Variants in BTF3L4 observed in about 807,000 individuals in gnomAD.
BTF3L4 encodes the protein basic transcription factor 3 like 4.
In BTF3L4, 6 loss-of-function variants were observed where a neutral mutation model predicts 16.8. The observed-to-expected ratio is 0.36, with a 90% confidence interval of 0.20 to 0.71. The LOEUF (loss-of-function observed/expected upper bound fraction) is 0.71. Among genes scored for constraint, BTF3L4 ranks in the 30% least tolerant of loss-of-function variants. BTF3L4 has a pLI of 0.58. For missense variants in BTF3L4, 92 were observed against 186.9 expected (o/e 0.49, Z 2.96); for synonymous variants, 39 against 59.8 (o/e 0.65, Z 1.60).
At chr1:52,059,334 T>C (rs949752758) in intron 1 of BTF3L4, among the ~76,000 whole-genome samples, 1 of 152,230 alleles carries the variant, frequency 6.6e-6, no homozygotes, top group Non-Finnish European at 1.5e-5. Context: ...AGCCTTTTGT[T>C]GAATTTCTTC....
chr1:52,071,806 A>G (rs1316353584), intron 3 of BTF3L4, among the ~76,000 whole-genome samples: 1 of 152,016 alleles, frequency 6.6e-6, no homozygotes, highest in East Asian at 1.9e-4. Context: ...GTGCCCATAG[A>G]TAGACAGCTC....
chr1:52,073,012 C>G (rs542365909), intron 3 of BTF3L4, among the ~76,000 whole-genome samples: 75 of 152,254 alleles, frequency 4.9e-4, no homozygotes, highest in Non-Finnish European at 1.0e-3. Context: ...GAGCCAAGAT[C>G]GTGCCATTGC....
chr1:52,071,973 G>A (rs1269532035), intron 3 of BTF3L4, among the ~76,000 whole-genome samples: 7 of 130,782 alleles, frequency 5.4e-5, no homozygotes, highest in Non-Finnish European at 9.8e-5. Context: ...GTGTGTGTGT[G>A]TAGATATATC....
At chr1:52,061,504 AAAG>A (rs1686508456) in intron 2 of BTF3L4, among the ~76,000 whole-genome samples, 1 of 151,700 alleles carries the variant, frequency 6.6e-6, no homozygotes, top group Admixed American at 6.6e-5. Context: ...AAAAAAAAAA[AAAG>A]AAATAGGTAA....
At chr1:52,077,518 A>G (rs1341568042) in intron 3 of BTF3L4, among the ~76,000 whole-genome samples, 1 of 152,228 alleles carries the variant, frequency 6.6e-6, no homozygotes, top group East Asian at 1.9e-4. Context: ...AGATTGCGCC[A>G]TTGCACTCTA....
In BTF3L4 at chr1:52,088,687, T is replaced by A. The variant is rs1477885608; in HGVS notation, c.*1929T>A. ...AACACACACTTGGAAGCCAGGAGAC[T>A]TGTGTCCTAGTCAAAACTCTGGCAT... is the stretch of plus-strand genomic sequence containing the variant. On this transcript the variant is annotated 3_prime_UTR_variant, in exon 6 of 6. Coordinates refer to ENST00000313334, the MANE Select transcript of BTF3L4 (RefSeq NM_152265.5). The A allele has an allele frequency of 6.6e-6, 1 of 152,204 alleles. No homozygotes were observed. The highest frequency in any genetic ancestry group is 1.5e-5 in the Non-Finnish European group (1 of 68,058). 9.4% of individuals were successfully genotyped at this position (152,204 alleles called of 1,614,324 possible).
At chr1:52,085,509 TAA>T (rs1185840642) in intron 4 of BTF3L4, among the ~76,000 whole-genome samples, 1 of 152,118 alleles carries the variant, frequency 6.6e-6, no homozygotes, top group Non-Finnish European at 1.5e-5. Flanking sequence ...ATGGCCACTG[TAA>T]AGTCTTTTTA....
chr1:52,085,351 T>G (rs1046616778), intron 4 of BTF3L4, among the ~76,000 whole-genome samples: 5 of 150,514 alleles, frequency 3.3e-5, no homozygotes, highest in African/African-American at 4.9e-5. Flanking sequence ...TGTTGCTTGG[T>G]TTTTTTTGTT....
At chr1:52,061,125 G>C (rs1001493585) in intron 2 of BTF3L4, among the ~76,000 whole-genome samples, 2 of 152,120 alleles carry the variant, frequency 1.3e-5, no homozygotes, top group African/African-American at 4.8e-5. Flanking sequence ...CTTGCCTAGT[G>C]GAGACAAGGA....
At chr1:52,065,701 A>G (rs1322763722) in intron 3 of BTF3L4, among the ~76,000 whole-genome samples, 1 of 152,130 alleles carries the variant, frequency 6.6e-6, no homozygotes, top group Non-Finnish European at 1.5e-5. Flanking sequence ...GTAGCTTTAC[A>G]TGGGTTAGAT....
chr1:52,060,011 C>A (rs1572019012), intron 2 of BTF3L4, 110 bp downstream of exon 2: 1 of 1,001,838 alleles, frequency 1.0e-6, no homozygotes, highest in African/African-American at 1.6e-5. Flanking sequence ...TAATCAAGAT[C>A]AAACCACATT....
intron 3 of BTF3L4, among the ~76,000 whole-genome samples, chr1:52,075,682 A>G (rs917069499): frequency 2.3e-4 from 35 of 150,400 alleles, no homozygotes; most frequent in Admixed American, 1.8e-3. Flanking sequence ...TATAAATCTG[A>G]GTTCTTTCAA....
chr1:52,086,075 G>T, intron 4 of BTF3L4, 37 bp from the exon 5 acceptor site: 1 of 1,442,446 alleles, frequency 6.9e-7, no homozygotes, highest in Admixed American at 1.9e-5. Flanking sequence ...TAAGGTCTTT[G>T]TTCTCAATGA....
intron 2 of BTF3L4, 90 bp from the exon 3 acceptor site, chr1:52,064,735 G>T: frequency 1.5e-6 from 1 of 672,226 alleles, no homozygotes; most frequent in Non-Finnish European, 2.5e-6. Context: ...TTTAATGTGG[G>T]TTTTAGATTA....
intron 3 of BTF3L4, among the ~76,000 whole-genome samples, chr1:52,071,928 A>ACT (rs1491231622): frequency 6.0e-5 from 3 of 50,236 alleles, no homozygotes; most frequent in African/African-American, 2.2e-4. Context: ...TTTGTTTTTT[A>ACT]CTCTGTGTGT....
chr1:52,059,750 A>G (rs1686462299), intron 1 of BTF3L4, 85 bp from the exon 2 acceptor site: 1 of 1,126,540 alleles, frequency 8.9e-7, no homozygotes, highest in Middle Eastern at 2.1e-4. Context: ...CTACAAGCTC[A>G]GTGAACCAGA....
intron 5 of BTF3L4, 42 bp from the exon 6 acceptor site, chr1:52,086,670 T>G (rs1399105587): frequency 2.2e-6 from 3 of 1,342,890 alleles, no homozygotes; most frequent in Non-Finnish European, 3.1e-6. Context: ...CTTTTTCCTT[T>G]TTTGTATTCT....
intron 2 of BTF3L4, chr1:52,060,662 A>C: frequency 9.5e-7 from 1 of 1,049,128 alleles, no homozygotes; most frequent in African/African-American, 1.7e-5. Context: ...CTGAAGTGGT[A>C]GGTAGGACAC....
intron 1 of BTF3L4, among the ~76,000 whole-genome samples, chr1:52,056,848 T>A (rs1420676062): frequency 6.6e-6 from 1 of 152,204 alleles, no homozygotes; most frequent in African/African-American, 2.4e-5. Flanking sequence ...ATGGCAGTGT[T>A]TGTTTACAAG....
Sources: gnomAD v4.1 joint callset for allele counts (sites outside exome capture counted in the v4.1 genomes callset) on GRCh38, gnomAD v4.1.1 for gene constraint, MANE v1.5 for transcripts, NCBI Gene and HGNC (gene_info 2026-07-23, HGNC 2026-07-21) for gene names.